GPATCH2: variants seen among roughly 807,000 people sequenced by gnomAD.
GPATCH2 encodes G-patch domain containing 2.
Under a neutral mutation model 58.0 loss-of-function variants are expected in GPATCH2, and 51 were observed. That is an observed-to-expected ratio of 0.88 (90% CI 0.70 to 1.11). The LOEUF is 1.11. GPATCH2 is among the 50% of genes most tolerant of loss of function. The probability of loss-of-function intolerance (pLI) is 0.00; values close to 1 mark genes in which losing one functional copy is unlikely to be tolerated. For missense variants in GPATCH2, 625 were observed against 652.2 expected (o/e 0.96, Z 0.45); for synonymous variants, 222 against 218.5 (o/e 1.02, Z -0.14).
chr1:217,514,712 C>G, intron 6 of GPATCH2, 110 bp downstream of exon 6: 1 of 541,246 alleles, frequency 1.8e-6, no homozygotes, highest in Non-Finnish European at 3.4e-6. Flanking sequence ...TATACTTACT[C>G]TTTTTAAAAA....
intron 5 of GPATCH2, among the ~76,000 whole-genome samples, chr1:217,585,779 T>C (rs1047497865): frequency 1.2e-4 from 19 of 152,128 alleles, no homozygotes; most frequent in Non-Finnish European, 2.5e-4. Flanking sequence ...GAGAAAGGCA[T>C]CGTTAGGCAA....
At chr1:217,454,086 G>A (rs970226080) in intron 8 of GPATCH2, among the ~76,000 whole-genome samples, 1 of 152,046 alleles carries the variant, frequency 6.6e-6, no homozygotes, top group Non-Finnish European at 1.5e-5. Context: ...GATGGGGGTT[G>A]GGAAACCCAG....
In GPATCH2 at chr1:217,619,802, C is replaced by T; in HGVS notation, c.754G>A (p.Asp252Asn). 1 of 1,581,138 alleles carries T rather than the reference C, an allele frequency of 6.3e-7. No homozygotes were observed. Among genetic ancestry groups the T allele is most frequent in the Non-Finnish European group, 8.6e-7 (1 of 1,158,880 alleles). The change falls in exon 2 of 10, where the codon GAT becomes AAT. Residue 252 changes from aspartate (D) to asparagine (N), a missense_variant. Asp to Asn is a conservative substitution (Grantham distance 23). Coordinates refer to ENST00000366935, the MANE Select transcript of GPATCH2 (RefSeq NM_018040.5). Reference protein sequence around the residue: ...KMECEEQKVSDELMSESDSSS... With the variant: ...KMECEEQKVSNELMSESDSSS... ...AGTCACCTTTCACTCATGAGCTCAT[C>T]TGAGACTTTTTGCTCTTCACATTCC...
At chr1:217,522,000 C>A (rs1307494257) in intron 5 of GPATCH2, among the ~76,000 whole-genome samples, 1 of 152,086 alleles carries the variant, frequency 6.6e-6, no homozygotes, top group Non-Finnish European at 1.5e-5. Flanking sequence ...GTAAGAGCAG[C>A]AAATATATTT....
chr1:217,505,209 T>C (rs1466803815), intron 6 of GPATCH2, among the ~76,000 whole-genome samples: 2 of 152,176 alleles, frequency 1.3e-5, no homozygotes, highest in Non-Finnish European at 2.9e-5. Context: ...ATAGACGCAG[T>C]TTAGAGAGGT....
intron 5 of GPATCH2, among the ~76,000 whole-genome samples, chr1:217,564,691 C>T (rs1253034288): frequency 6.6e-6 from 1 of 152,132 alleles, no homozygotes; most frequent in Admixed American, 6.5e-5. Context: ...ACGAAATTCC[C>T]CATGGCTACA....
intron 5 of GPATCH2, among the ~76,000 whole-genome samples, chr1:217,558,775 T>C (rs1049657697): frequency 9.9e-5 from 15 of 152,200 alleles, no homozygotes; most frequent in African/African-American, 3.6e-4. Context: ...GAGTGAGACC[T>C]GTTCTACAAA....
intron 8 of GPATCH2, among the ~76,000 whole-genome samples, chr1:217,485,942 T>C (rs1263092424): frequency 6.6e-6 from 1 of 152,238 alleles, no homozygotes; most frequent in Non-Finnish European, 1.5e-5. Flanking sequence ...CATAGCTTTA[T>C]AATAAAGTCT....
chr1:217,588,863 C>T lies in GPATCH2; in HGVS notation c.1098+21458G>A, dbSNP rs896976152. 2.0e-5 allele frequency among the ~76,000 whole-genome samples: 3 copies of T among 152,144 alleles called. No homozygotes were observed. The South Asian group carries it at 6.2e-4, about 31-fold the overall frequency. Reference sequence around the variant, plus strand: ...GGAGAGAACAAGTTAAAGAAATATCCCACTATTCCACTATGAACACATAAA... The same window carrying T: ...GGAGAGAACAAGTTAAAGAAATATCTCACTATTCCACTATGAACACATAAA... On this transcript the variant is annotated intron_variant, in intron 5 of 9. Coordinates refer to ENST00000366935, the MANE Select transcript of GPATCH2 (RefSeq NM_018040.5).
intron 8 of GPATCH2, among the ~76,000 whole-genome samples, chr1:217,456,391 G>C (rs188100788): frequency 6.6e-6 from 1 of 152,226 alleles, no homozygotes; most frequent in Non-Finnish European, 1.5e-5. Flanking sequence ...CCACACCCCT[G>C]TCACACCTCC....
chr1:217,537,572 T>G (rs533837759), intron 5 of GPATCH2, among the ~76,000 whole-genome samples: 6 of 152,262 alleles, frequency 3.9e-5, no homozygotes, highest in African/African-American at 1.4e-4. Flanking sequence ...CTCAAAATAT[T>G]AAAATATGAG....
At chr1:217,440,019 G>C (rs976425198) in intron 9 of GPATCH2, among the ~76,000 whole-genome samples, 5 of 152,186 alleles carry the variant, frequency 3.3e-5, no homozygotes, top group Non-Finnish European at 7.3e-5. Flanking sequence ...ATTTTATGAG[G>C]CCAGGATCAT....
intron 5 of GPATCH2, among the ~76,000 whole-genome samples, chr1:217,544,469 T>C (rs560165059): frequency 6.6e-6 from 1 of 152,260 alleles, no homozygotes; most frequent in South Asian, 2.1e-4. Flanking sequence ...CAACATTCTT[T>C]TAAAAAAAAA....
At chr1:217,507,235 G>C (rs566228763) in intron 6 of GPATCH2, among the ~76,000 whole-genome samples, 3 of 152,274 alleles carry the variant, frequency 2.0e-5, no homozygotes, top group African/African-American at 4.8e-5. Flanking sequence ...AGAACACTGG[G>C]CTGTGTGATC....
intron 9 of GPATCH2, among the ~76,000 whole-genome samples, chr1:217,437,817 C>T (rs1196304359): frequency 6.6e-6 from 1 of 152,248 alleles, no homozygotes; most frequent in Admixed American, 6.5e-5. Context: ...CTTCAGCAGA[C>T]TTAAACATTC....
chr1:217,507,185 C>T (rs1455927685), intron 6 of GPATCH2, among the ~76,000 whole-genome samples: 2 of 152,150 alleles, frequency 1.3e-5, no homozygotes, highest in Non-Finnish European at 2.9e-5. Flanking sequence ...GTTTCATCAA[C>T]TATGGTTGCT....
intron 8 of GPATCH2, among the ~76,000 whole-genome samples, chr1:217,454,575 C>A (rs141368266): frequency 8.9e-6 from 1 of 111,944 alleles, no homozygotes; most frequent in East Asian, 2.9e-4. Context: ...GGCGACAGAG[C>A]GAGACTCTGT....
intron 8 of GPATCH2, among the ~76,000 whole-genome samples, chr1:217,465,378 C>T (rs989221665): frequency 6.6e-6 from 1 of 151,982 alleles, no homozygotes; most frequent in African/African-American, 2.4e-5. Context: ...AGCAACAAAA[C>T]AAAACAAATA....
At chr1:217,450,097 C>T (rs1036550197) in intron 8 of GPATCH2, among the ~76,000 whole-genome samples, 21 of 152,002 alleles carry the variant, frequency 1.4e-4, no homozygotes, top group East Asian at 3.9e-4. Flanking sequence ...GAAATCAAGA[C>T]GAATACAAAA....
Sources: allele counts gnomAD v4.1 joint callset (sites outside exome capture counted in the v4.1 genomes callset), GRCh38; gene constraint gnomAD v4.1.1; transcripts MANE v1.5; gene names NCBI Gene and HGNC (gene_info 2026-07-23, HGNC 2026-07-21).